Variants in GRIN2A observed in about 807,000 individuals in gnomAD.
GRIN2A encodes the protein glutamate receptor ionotropic, NMDA 2A.
In GRIN2A, 22 loss-of-function variants were observed where a neutral mutation model predicts 113.4. The observed-to-expected ratio is 0.19, with a 90% CI of 0.14 to 0.28. The LOEUF is 0.28. Ranked by LOEUF, GRIN2A falls within the 10% of genes least tolerant of loss-of-function variation. The probability of loss-of-function intolerance (pLI) is 1.00; values close to 1 mark genes in which losing one functional copy is unlikely to be tolerated. For missense variants in GRIN2A, 1,502 were observed against 1,887.0 expected (o/e 0.80, Z 3.78); for synonymous variants, 827 against 738.4 (o/e 1.12, Z -1.94).
intron 2 of GRIN2A, among the ~76,000 whole-genome samples, chr16:10,165,413 A>C (rs1008976939): frequency 6.6e-6 from 1 of 150,964 alleles, no homozygotes; most frequent in Non-Finnish European, 1.5e-5. Context: ...CCTGATTCTC[A>C]CAAAATCCTC....
intron 2 of GRIN2A, among the ~76,000 whole-genome samples, chr16:10,020,971 A>G (rs1467181088): frequency 2.6e-5 from 4 of 152,174 alleles, no homozygotes; most frequent in South Asian, 2.1e-4. Context: ...CACTTCCCCA[A>G]ACTTCTCCCT....
intron 2 of GRIN2A, among the ~76,000 whole-genome samples, chr16:10,153,708 CTTTG>C (rs1034531810): frequency 6.6e-6 from 1 of 152,158 alleles, no homozygotes; most frequent in Admixed American, 6.5e-5. Flanking sequence ...ACCAAACAAT[CTTTG>C]TTTGGGCTGG....
At chr16:9,884,750 CTTT>C (rs34469635) in intron 4 of GRIN2A, among the ~76,000 whole-genome samples, 36 of 125,306 alleles carry the variant, frequency 2.9e-4, no homozygotes, top group Non-Finnish European at 3.5e-4. Context: ...TAGAGAATTT[CTTT>C]TTTTTTTTTT....
At chr16:9,998,601 G>C (rs1051585146) in intron 2 of GRIN2A, among the ~76,000 whole-genome samples, 4 of 152,160 alleles carry the variant, frequency 2.6e-5, no homozygotes, top group Admixed American at 2.6e-4. Flanking sequence ...AGATCACAAA[G>C]TATGCTCTTT....
At chr16:9,886,233 TC>T (rs2043583795) in intron 4 of GRIN2A, among the ~76,000 whole-genome samples, 1 of 152,058 alleles carries the variant, frequency 6.6e-6, no homozygotes, top group Non-Finnish European at 1.5e-5. Context: ...GCAGAAAGGC[TC>T]CAACTCTCTA....
chr16:9,803,847 T>C (rs1391065630), intron 10 of GRIN2A, among the ~76,000 whole-genome samples: 1 of 152,144 alleles, frequency 6.6e-6, no homozygotes, highest in Non-Finnish European at 1.5e-5. Flanking sequence ...ATGCTATCCA[T>C]AAGACTTGTA....
At chr16:9,903,486 C>T (rs1177086535) in intron 3 of GRIN2A, among the ~76,000 whole-genome samples, 1 of 152,186 alleles carries the variant, frequency 6.6e-6, no homozygotes, top group East Asian at 1.9e-4. Flanking sequence ...TTAATCTCCA[C>T]CCGAGGACCA....
At position 9,974,613 on chromosome 16, in the gene GRIN2A, C is replaced by T. The variant is rs185552129; in HGVS notation, c.415-36062G>A. On this transcript the variant is annotated intron_variant, in intron 2 of 12. Coordinates refer to ENST00000330684, the MANE Select transcript of GRIN2A (RefSeq NM_001134407.3). ...AATAAACCTCTTCCTTCTTTAACTC[C>T]GTGTCTGAGGAGTTTTGTCTGCGGC... is the stretch of plus-strand genomic sequence containing the variant. Among the ~76,000 whole-genome samples the T allele has an allele frequency of 9.1e-4, 138 of 152,228 alleles. 1 individual carries two copies. Among genetic ancestry groups the T allele is most frequent in the Middle Eastern group, 3.4e-3 (1 of 294 alleles).
chr16:9,980,850 AG>A (rs1214377762), intron 2 of GRIN2A, among the ~76,000 whole-genome samples: 70 of 46,534 alleles, frequency 1.5e-3, no homozygotes, highest in Middle Eastern at 0.023. Context: ...GGGTGGGGGG[AG>A]GGGGGAGGGA....
At chr16:10,076,891 G>T (rs142144909) in intron 2 of GRIN2A, among the ~76,000 whole-genome samples, 1 of 152,336 alleles carries the variant, frequency 6.6e-6, no homozygotes, top group East Asian at 1.9e-4. Flanking sequence ...GAACCTGTGA[G>T]CATGTTACCT....
chr16:9,781,948 G>C (rs1901960308), intron 11 of GRIN2A, among the ~76,000 whole-genome samples: 1 of 152,128 alleles, frequency 6.6e-6, no homozygotes, highest in African/African-American at 2.4e-5. Flanking sequence ...ACATAAGAAT[G>C]CTTAAAATGT....
chr16:9,957,560 T>C (rs1300817805), intron 2 of GRIN2A, among the ~76,000 whole-genome samples: 1 of 152,114 alleles, frequency 6.6e-6, no homozygotes, highest in African/African-American at 2.4e-5. Context: ...ATGCACTGGG[T>C]GGCCAGAGTA....
Position 9,764,796 on chromosome 16 carries a change from G to C in GRIN2A, c.2748C>G (p.Asp916Glu), listed in dbSNP as rs533512756. 5.0e-6 allele frequency: 8 copies of C among 1,614,092 alleles called. No individual in the cohort carries two copies. The highest frequency in any genetic ancestry group is 6.8e-6 in the Non-Finnish European group (8 of 1,180,008). ...TGAAGTCAGCAGCTCTTTTGGGTGA[G>C]TCCATTCTTGAGGAGTTCATGTTGG... Reference protein sequence around the residue: ...SMSNMNSSRMDSPKRAADFIQ... With the variant: ...SMSNMNSSRMESPKRAADFIQ... The change falls in exon 13 of 13, where the codon GAC becomes GAG. Residue 916 changes from aspartate (D) to glutamate (E), a missense_variant. Around this residue, in one of 7 missense-constraint regions of GRIN2A, gnomAD observed 832 missense variants for 789.7 expected, o/e 1.05. Coordinates refer to ENST00000330684, the MANE Select transcript of GRIN2A (RefSeq NM_001134407.3).
chr16:9,958,198 A>G (rs2045349533), intron 2 of GRIN2A, among the ~76,000 whole-genome samples: 1 of 152,248 alleles, frequency 6.6e-6, no homozygotes, highest in Non-Finnish European at 1.5e-5. Context: ...CTGGCATGCA[A>G]TTAACTTCCA....
chr16:9,990,074 C>T (rs2046071019), intron 2 of GRIN2A, among the ~76,000 whole-genome samples: 1 of 152,166 alleles, frequency 6.6e-6, no homozygotes, highest in African/African-American at 2.4e-5. Flanking sequence ...CAAAAATCCC[C>T]TGCACTCATA....
intron 5 of GRIN2A, among the ~76,000 whole-genome samples, chr16:9,848,670 A>AC (rs1308416775): frequency 6.8e-5 from 9 of 133,104 alleles, no homozygotes; most frequent in East Asian, 4.0e-4. Flanking sequence ...CATAAAATAT[A>AC]TGTTTTATAA....
intron 2 of GRIN2A, among the ~76,000 whole-genome samples, chr16:10,078,128 A>C (rs1466348605): frequency 1.3e-5 from 2 of 152,224 alleles, no homozygotes; most frequent in Non-Finnish European, 2.9e-5. Context: ...TCAATGCCTC[A>C]ATAAAGCTGT....
At chr16:9,938,660 C>A in intron 2 of GRIN2A, 109 bp from the exon 3 acceptor site, 1 of 770,088 alleles carries the variant, frequency 1.3e-6, no homozygotes, top group Non-Finnish European at 2.2e-6. Context: ...CAATCATTTG[C>A]AGACATTCCT....
chr16:10,032,505 T>A (rs185156809), intron 2 of GRIN2A, among the ~76,000 whole-genome samples: 2 of 152,314 alleles, frequency 1.3e-5, no homozygotes, highest in Admixed American at 1.3e-4. Context: ...AATCTTCTCA[T>A]CAAAACAGCC....
Sources: allele counts gnomAD v4.1 joint callset (sites outside exome capture counted in the v4.1 genomes callset), GRCh38; gene constraint gnomAD v4.1.1; regional missense constraint gnomAD v4.1.1; transcripts MANE v1.5; gene names NCBI Gene and HGNC (gene_info 2026-07-23, HGNC 2026-07-21).